Variants in ASPH observed in about 807,000 individuals in gnomAD.
ASPH encodes the protein aspartate beta-hydroxylase, also known as aspartyl/asparaginyl beta-hydroxylase.
A neutral mutation model predicts 118.4 loss-of-function variants in ASPH; 100 were observed. The ratio of observed to expected loss-of-function variants is 0.84; its 90% CI spans 0.72 to 1.00. The LOEUF (loss-of-function observed/expected upper bound fraction) is 1.00, where lower values mean the gene tolerates loss of function less well. ASPH is among the 50% of genes least tolerant of loss of function. The pLI is 0.00. For missense variants in ASPH, 920 were observed against 919.5 expected, an observed-to-expected ratio of 1.00 and a Z score of -0.01; for synonymous variants, 315 against 325.6, an observed-to-expected ratio of 0.97 and a Z score of 0.35.
At chr8:61,552,809 T>C (rs1826478132) in intron 20 of ASPH, among the ~76,000 whole-genome samples, 1 of 152,210 alleles carries the variant, frequency 6.6e-6, no homozygotes, top group Non-Finnish European at 1.5e-5. Context: ...TTAGCTGATT[T>C]CTTGAAAGAA....
rs547359737 is a variant in ASPH, at chr8:61,518,114, T to A, written c.1910A>T (p.Asn637Ile). 2.9e-5 allele frequency: 47 copies of A among 1,613,262 alleles called. No individual in the cohort carries two copies. Among genetic ancestry groups the A allele is most frequent in the Admixed American group, 1.2e-4 (7 of 59,982 alleles). ...QFTLWQQGRR[N>I]ENACKGAPKT... ...AGGAGCTCCTTTGCAGGCATTTTCA[T>A]TTCTTCTTCCTAGAATAAATAACAT... The change falls in exon 23 of 25, where the codon AAT (asparagine) becomes ATT (isoleucine). Residue 637 changes from asparagine to isoleucine, a missense_variant. Coordinates refer to ENST00000379454, the MANE Select transcript of ASPH (RefSeq NM_004318.4).
At chr8:61,686,926 C>G (rs1012040856) in intron 1 of ASPH, among the ~76,000 whole-genome samples, 1 of 151,990 alleles carries the variant, frequency 6.6e-6, no homozygotes, top group African/African-American at 2.4e-5. Context: ...CATTTTTATT[C>G]AGTACATGAA....
At chr8:61,625,643 TA>T (rs35935048) in intron 13 of ASPH, 628,155 of 980,378 alleles carry the variant, frequency 0.64, 202,431 homozygotes, top group Non-Finnish European at 0.65. Flanking sequence ...ACTGAAATAT[TA>T]AATTTTTCTA....
At chr8:61,620,120 A>G (rs2150514552) in intron 13 of ASPH, among the ~76,000 whole-genome samples, 2 of 152,344 alleles carry the variant, frequency 1.3e-5, no homozygotes, top group Middle Eastern at 6.8e-3. Flanking sequence ...TTATAAGTCA[A>G]GTGTTCTTGC....
At chr8:61,676,439 C>T (rs192087546) in intron 3 of ASPH, 182 of 901,644 alleles carry the variant, frequency 2.0e-4, no homozygotes, top group South Asian at 7.2e-4. Context: ...TTTACAGAAA[C>T]GGTATTTGGA....
At chr8:61,698,570 A>G (rs144052975) in intron 1 of ASPH, among the ~76,000 whole-genome samples, 363 of 152,320 alleles carry the variant, frequency 2.4e-3, no homozygotes, top group African/African-American at 7.9e-3. Flanking sequence ...GATTACATCA[A>G]TGGTCACTAG....
At chr8:61,564,690 T>C (rs1177500480) in intron 17 of ASPH, among the ~76,000 whole-genome samples, 1 of 152,228 alleles carries the variant, frequency 6.6e-6, no homozygotes, top group Admixed American at 6.5e-5. Flanking sequence ...GTGCTGCATG[T>C]TTTTGTTCTG....
chr8:61,626,280 T>C (rs776772629), intron 13 of ASPH: 7 of 1,564,158 alleles, frequency 4.5e-6, no homozygotes, highest in Non-Finnish European at 6.0e-6. Context: ...GCTTTAAGTA[T>C]CTGCAAAAAT....
At chr8:61,713,786 C>T (rs1488815419) in intron 1 of ASPH, among the ~76,000 whole-genome samples, 1 of 152,208 alleles carries the variant, frequency 6.6e-6, no homozygotes, top group Non-Finnish European at 1.5e-5. Context: ...AAATCACTCC[C>T]AACTTCTTCC....
intron 1 of ASPH, chr8:61,684,619 C>T (rs558535233): frequency 6.4e-6 from 1 of 156,660 alleles, no homozygotes; most frequent in East Asian, 1.9e-4. Context: ...ATATCTCCCC[C>T]TAAACCATTC....
At chr8:61,547,983 T>C in intron 21 of ASPH, 88 bp downstream of exon 21, 1 of 1,454,318 alleles carries the variant, frequency 6.9e-7, no homozygotes, top group Non-Finnish European at 9.2e-7. Context: ...ATCTCTTCCC[T>C]GACATTCCTT....
At chr8:61,714,066 G>A (rs898483987) in intron 1 of ASPH, among the ~76,000 whole-genome samples, 2 of 152,198 alleles carry the variant, frequency 1.3e-5, no homozygotes, top group African/African-American at 4.8e-5. Flanking sequence ...CGAGGGCTCG[G>A]ACCCCGGTCC....
intron 14 of ASPH, among the ~76,000 whole-genome samples, chr8:61,612,378 T>G (rs1185356975): frequency 1.3e-5 from 2 of 151,356 alleles, no homozygotes; most frequent in Non-Finnish European, 2.9e-5. Context: ...AACAAAGTTT[T>G]TTTTTTTTTT....
chr8:61,714,449 C>G lies in ASPH; in HGVS notation c.-78G>C, dbSNP rs1049728765. ...GGGTACACACGCGACGCGGGAACCG[C>G]TGGCGGCGGCGGGCCGCTGGAGCGG... On this transcript the variant is annotated 5_prime_UTR_variant, in exon 1 of 25. Transcript: ENST00000379454. 115 of 1,359,974 alleles carry G rather than the reference C, an allele frequency of 8.5e-5. 1 individual carries two copies. The Middle Eastern group carries it at 1.1e-3, about 13-fold the overall frequency. 84.2% of individuals were successfully genotyped at this position (1,359,974 alleles called of 1,614,324 possible). A position where few individuals can be genotyped will look rare whatever the true frequency, so the allele number is the denominator to read the frequency against.
At chr8:61,543,610 G>A (rs1385001386) in intron 21 of ASPH, among the ~76,000 whole-genome samples, 1 of 152,100 alleles carries the variant, frequency 6.6e-6, no homozygotes, top group Non-Finnish European at 1.5e-5. Context: ...AGTAAGTTCA[G>A]CATCAGGGCC....
intron 19 of ASPH, among the ~76,000 whole-genome samples, chr8:61,553,497 T>C (rs925415711): frequency 6.6e-6 from 1 of 152,234 alleles, no homozygotes; most frequent in South Asian, 2.1e-4. Flanking sequence ...AGGCTTTTTA[T>C]TCCTAAACCA....
At chr8:61,579,127 C>A in intron 15 of ASPH, 1 of 1,611,362 alleles carries the variant, frequency 6.2e-7, no homozygotes, top group South Asian at 1.1e-5. Context: ...CTGTGGCGCA[C>A]AAAGACTGAG....
intron 10 of ASPH, among the ~76,000 whole-genome samples, chr8:61,640,781 T>C (rs552670935): frequency 6.6e-6 from 1 of 152,350 alleles, no homozygotes; most frequent in South Asian, 2.1e-4. Context: ...ATAAGTCAAT[T>C]ACATGGTAAG....
intron 14 of ASPH, chr8:61,606,345 G>C (rs999950562): frequency 6.6e-6 from 1 of 152,160 alleles, no homozygotes; most frequent in African/African-American, 2.4e-5. Context: ...ATCCTTGGGG[G>C]AGAGGAGCCA....
Sources: gnomAD v4.1 joint callset for allele counts (sites outside exome capture counted in the v4.1 genomes callset) on GRCh38, gnomAD v4.1.1 for gene constraint, MANE v1.5 for transcripts, NCBI Gene and HGNC (gene_info 2026-07-23, HGNC 2026-07-21) for gene names.